Variants in CNTRL observed in about 807,000 individuals in gnomAD.
The protein encoded by CNTRL is centriolin, also known as 110 kDa centrosomal protein.
A neutral mutation model predicts 303.7 loss-of-function variants in CNTRL; 233 were observed. That is an observed-to-expected ratio of 0.77 (90% CI 0.69 to 0.86). CNTRL has a LOEUF of 0.86. CNTRL is among the 40% of genes least tolerant of loss of function. The pLI is 0.00. For missense variants in CNTRL, 2,524 were observed against 2,650.6 expected, an observed-to-expected ratio of 0.95 and a Z score of 1.05; for synonymous variants, 900 against 922.2, an observed-to-expected ratio of 0.98 and a Z score of 0.44.
intron 27 of CNTRL, among the ~76,000 whole-genome samples, chr9:121,156,680 ACT>A (rs775637097): frequency 6.6e-6 from 1 of 152,002 alleles, no homozygotes; most frequent in Non-Finnish European, 1.5e-5. Context: ...TGCAAACCAC[ACT>A]CTATTTATTT....
chr9:121,092,505 A>G (rs186547773), intron 4 of CNTRL, among the ~76,000 whole-genome samples: 3 of 29,554 alleles, frequency 1.0e-4, no homozygotes, highest in Non-Finnish European at 2.2e-4. Flanking sequence ...CTATATATAT[A>G]ATATATATCT....
intron 32 of CNTRL, among the ~76,000 whole-genome samples, chr9:121,160,761 C>T: frequency 6.6e-6 from 1 of 152,308 alleles, no homozygotes; most frequent in East Asian, 1.9e-4. Flanking sequence ...AAGAGGATTG[C>T]TTGAGCCCAG....
Position 121,175,230 on chromosome 9 carries a change from C to T in CNTRL, c.6954+6C>T. On this transcript the variant is annotated splice_donor_region_variant and intron_variant, in intron 43 of 43. Coordinates refer to ENST00000373855, the MANE Select transcript of CNTRL (RefSeq NM_007018.6). ...CTCAACTTGGACAAAATCAGGTAAG[C>T]AGCAGCTCTTTTTAAAAACAAAACA... 6.2e-7 allele frequency: 1 copy of T among 1,613,240 alleles called. No homozygotes were observed.
At chr9:121,117,951 C>G (rs1483932254) in intron 11 of CNTRL, among the ~76,000 whole-genome samples, 1 of 151,554 alleles carries the variant, frequency 6.6e-6, no homozygotes, top group East Asian at 1.9e-4. Flanking sequence ...TGCACTCCAC[C>G]CTGGGCGACA....
chr9:121,171,911 C>T (rs1050756046), intron 40 of CNTRL, among the ~76,000 whole-genome samples: 3 of 152,030 alleles, frequency 2.0e-5, no homozygotes, highest in East Asian at 1.9e-4. Flanking sequence ...AAAGATGGTC[C>T]GGGGGAAACC....
At chr9:121,115,058 C>A in intron 10 of CNTRL, 33 bp from the exon 11 acceptor site, 1 of 1,307,494 alleles carries the variant, frequency 7.6e-7, no homozygotes, top group Non-Finnish European at 1.1e-6. Context: ...TTTCTTGTTT[C>A]ATATTATGTG....
rs1564213686 is a variant in CNTRL at position 121,107,965 on chromosome 9, CAA to C, written c.973_974del (p.Lys325GlufsTer2). On this transcript the variant is annotated frameshift_variant, in exon 8 of 44. Transcript: ENST00000373855. LOFTEE classifies it high-confidence loss of function. ...TACAGAAACAGAGCTGTGAGGAACT[CAA>C]GAGTGACTTAAACACAAAAAATGAA... ...MLQKQSCEELKSDLNTKNELL... is the reference protein window; with the variant it reads ...MLQKQSCEELXSDLNTKNELL... 2.5e-6 allele frequency: 4 copies of C among 1,587,648 alleles called. No individual in the cohort carries two copies. Among genetic ancestry groups the C allele is most frequent in the Non-Finnish European group, 3.4e-6 (4 of 1,171,942 alleles).
chr9:121,108,139 A>T (rs1157971004), intron 8 of CNTRL, 144 bp downstream of exon 8: 1 of 550,232 alleles, frequency 1.8e-6, no homozygotes, highest in Non-Finnish European at 3.2e-6. Context: ...TATGAATTGT[A>T]GTTGACTGTG....
In CNTRL at chr9:121,118,460, C is replaced by T; in HGVS notation, c.1570C>T (p.Gln524Ter). ...AGAACTGCAGATGGAAAAGCAAAAG[C>T]AGGAAATTGCCGGAAAGCAGAAGGA... The part of the protein sequence containing the change: ...DLELQMEKQK[Q>*]EIAGKQKEIK... The change falls in exon 12 of 44, where the codon CAG (glutamine) becomes TAG (stop). Residue 524 changes from glutamine (Q) to a stop codon, truncating the protein, a stop_gained. Transcript: ENST00000373855. LOFTEE classifies it high-confidence loss of function. 2.5e-6 allele frequency: 4 copies of T among 1,612,870 alleles called. No homozygotes were observed. The highest frequency in any genetic ancestry group is 3.4e-6 in the Non-Finnish European group (4 of 1,179,258).
chr9:121,126,393 G>T (rs1046957102), intron 14 of CNTRL, among the ~76,000 whole-genome samples: 1 of 152,072 alleles, frequency 6.6e-6, no homozygotes, highest in Non-Finnish European at 1.5e-5. Context: ...TTGCACATTC[G>T]TTTGGAGATT....
chr9:121,175,751 G>A (rs1371267559), intron 43 of CNTRL, among the ~76,000 whole-genome samples: 1 of 152,186 alleles, frequency 6.6e-6, no homozygotes, highest in Non-Finnish European at 1.5e-5. Flanking sequence ...AACAGACTAC[G>A]ACTGCAGATT....
At chr9:121,173,601 G>A (rs564198834) in intron 41 of CNTRL, 74 bp from the exon 42 acceptor site, 19 of 1,609,990 alleles carry the variant, frequency 1.2e-5, no homozygotes, top group Non-Finnish European at 1.4e-5. Flanking sequence ...CTGGGGTAGG[G>A]GAGGGAAAGG....
chr9:121,154,820 T>G lies in CNTRL; in HGVS notation c.4272T>G (p.Ile1424Met). ...HEDIVDEIEC[I>M]EKTLLKRRSE... ...ATATTGTAGATGAAATTGAGTGCAT[T>G]GAGAAGACTCTTCTGAAACGTCGCT... Residue 1424 changes from isoleucine to methionine, a missense_variant, in exon 27 of 44, where the codon ATT (isoleucine) becomes ATG (methionine). Transcript: ENST00000373855. 6.2e-7 allele frequency: 1 copy of G among 1,614,028 alleles called. No homozygotes were observed. Among genetic ancestry groups the G allele is most frequent in the African/African-American group, 1.3e-5 (1 of 75,038 alleles).
At chr9:121,079,764 G>A (rs1046191421) in intron 1 of CNTRL, among the ~76,000 whole-genome samples, 2 of 152,140 alleles carry the variant, frequency 1.3e-5, no homozygotes, top group East Asian at 3.8e-4. Flanking sequence ...AAAAAAAGAC[G>A]GGGTTTTTAT....
Position 121,118,536 on chromosome 9 carries a change from A to G in CNTRL, c.1646A>G (p.Lys549Arg). 1 of 1,586,152 alleles carries G rather than the reference A, an allele frequency of 6.3e-7. No homozygotes were observed. Among genetic ancestry groups the G allele is most frequent in the Non-Finnish European group, 8.6e-7 (1 of 1,166,676 alleles). The change falls in exon 12 of 44, where the codon AAA becomes AGA. Residue 549 changes from lysine (K) to arginine (R), a missense_variant. Transcript: ENST00000373855. ...AIDSLDSKDP[K>R]HSHMKAQKSG... Reference sequence around the variant, plus strand: ...GATAGCCTGGATTCCAAAGACCCAAAACATGTGAGTAAATTAAGAAATTTT... The same window carrying G: ...GATAGCCTGGATTCCAAAGACCCAAGACATGTGAGTAAATTAAGAAATTTT...
chr9:121,167,790 T>A, intron 37 of CNTRL, 113 bp downstream of exon 37: 1 of 904,876 alleles, frequency 1.1e-6, no homozygotes, highest in Non-Finnish European at 1.7e-6. Context: ...TATGTGTCCC[T>A]TAACTGCCCT....
Position 121,124,066 on chromosome 9 carries a change from G to C in CNTRL, c.1786G>C (p.Glu596Gln). ...AKETEEIKDL[E>Q]EQLTEGQIAA... ...GGAAACGGAAGAGATTAAGGACCTT[G>C]AAGAACAGCTTACTGAAGGTAAGAC... The change falls in exon 13 of 44, where the codon GAA (glutamate) becomes CAA (glutamine). Residue 596 changes from glutamate (E) to glutamine (Q), a missense_variant. By Grantham distance (29) the Glu-to-Gln change is conservative. Coordinates refer to ENST00000373855, the MANE Select transcript of CNTRL (RefSeq NM_007018.6). 1 of 1,607,448 alleles carries C rather than the reference G, an allele frequency of 6.2e-7. No individual in the cohort carries two copies. The highest frequency in any genetic ancestry group is 8.5e-7 in the Non-Finnish European group (1 of 1,178,040).
At position 121,113,534 on chromosome 9, in the gene CNTRL, C is replaced by A; in HGVS notation, c.1155C>A (p.Ser385Arg). ...YAEIDKAPDE[S>R]PYIGKSRYKR... ...AAATTGATAAAGCCCCAGATGAAAG[C>A]CCTTACATTGGCAAATCCAGATACA... Residue 385 changes from serine to arginine, a missense_variant, in exon 10 of 44, where the codon AGC becomes AGA. Coordinates refer to ENST00000373855, the MANE Select transcript of CNTRL (RefSeq NM_007018.6). 3 of 1,595,972 alleles carry A rather than the reference C, an allele frequency of 1.9e-6. No homozygotes were observed. The highest frequency in any genetic ancestry group is 1.1e-5 in the South Asian group (1 of 87,192).
At chr9:121,164,854 A>T in intron 34 of CNTRL, 89 bp from the exon 35 acceptor site, 1 of 953,224 alleles carries the variant, frequency 1.0e-6, no homozygotes, top group Non-Finnish European at 1.5e-6. Flanking sequence ...ACTTTCCATA[A>T]CTGTATGTTG....
Sources: allele counts gnomAD v4.1 joint callset (sites outside exome capture counted in the v4.1 genomes callset), GRCh38; gene constraint gnomAD v4.1.1; transcripts MANE v1.5; gene names NCBI Gene and HGNC (gene_info 2026-07-23, HGNC 2026-07-21).